The following NDST4 variants were observed in gnomAD, a reference collection of about 807,000 sequenced individuals.
NDST4 encodes N-deacetylase and N-sulfotransferase 4.
NDST4 carries 63 observed loss-of-function variants against 100.8 expected under a neutral mutation model. The observed-to-expected ratio is 0.62, with a 90% confidence interval of 0.51 to 0.77. The LOEUF (loss-of-function observed/expected upper bound fraction) is 0.77. Among genes scored for constraint, NDST4 ranks in the 30% least tolerant of loss-of-function variants. NDST4 has a pLI of 0.00. For missense variants in NDST4, 943 were observed against 1,018.4 expected, an observed-to-expected ratio of 0.93 and a Z score of 1.01; for synonymous variants, 377 against 361.8, an observed-to-expected ratio of 1.04 and a Z score of -0.48.
chr4:114,845,692 G>T, intron 10 of NDST4, 131 bp downstream of exon 10: 1 of 706,218 alleles, frequency 1.4e-6, no homozygotes, highest in Non-Finnish European at 2.2e-6. Flanking sequence ...CATATTTTTT[G>T]GTGGGGGTTG....
At chr4:115,070,687 G>A (rs1342429234) in intron 2 of NDST4, among the ~76,000 whole-genome samples, 4 of 151,978 alleles carry the variant, frequency 2.6e-5, no homozygotes, top group African/African-American at 9.7e-5. Context: ...AGCATTGGTT[G>A]GAGAAGAGAA....
chr4:114,919,841 G>A (rs1008387366), intron 6 of NDST4, among the ~76,000 whole-genome samples: 1 of 152,216 alleles, frequency 6.6e-6, no homozygotes, highest in African/African-American at 2.4e-5. Context: ...GGTTGCTGCA[G>A]AGATGGAGAG....
At chr4:114,986,832 A>ATATTTTTTTTTT in intron 2 of NDST4, among the ~76,000 whole-genome samples, 10 of 94,658 alleles carry the variant, frequency 1.1e-4, no homozygotes, top group Middle Eastern at 7.2e-3. Flanking sequence ...ATATATATAT[A>ATATTTTTTTTTT]TTTTAATATA....
intron 3 of NDST4, among the ~76,000 whole-genome samples, chr4:114,971,146 A>T (rs1259996042): frequency 6.6e-6 from 1 of 152,102 alleles, no homozygotes; most frequent in Non-Finnish European, 1.5e-5. Context: ...CTTATATTTT[A>T]AAAGTTTAGC....
chr4:114,838,808 T>TG (rs1723359599), intron 11 of NDST4, among the ~76,000 whole-genome samples: 1 of 145,286 alleles, frequency 6.9e-6, no homozygotes, highest in African/African-American at 2.8e-5. Flanking sequence ...CCAGAACTTT[T>TG]TTTTTTTTTT....
Position 115,076,494 on chromosome 4 carries a change from C to A in NDST4, c.543G>T (p.Pro181=). Residue 181 remains proline, a synonymous_variant, in exon 2 of 14, where the codon CCG becomes CCT. Coordinates refer to ENST00000264363, the MANE Select transcript of NDST4 (RefSeq NM_022569.3). ...GAGCTAGATTATTGAAAAGGTTTAA[C>A]GGAAAGCCTTTTAATTGTGTACTTG... ...SLPSTQLKGF[P]LNLFNNLALK... is the part of the protein sequence containing the mutation. 1 of 1,613,900 alleles carries A rather than the reference C, an allele frequency of 6.2e-7. No individual in the cohort carries two copies. The highest frequency in any genetic ancestry group is 1.1e-5 in the South Asian group (1 of 91,072).
At chr4:114,842,079 G>A (rs1183438796) in intron 10 of NDST4, among the ~76,000 whole-genome samples, 1 of 152,124 alleles carries the variant, frequency 6.6e-6, no homozygotes, top group East Asian at 1.9e-4. Context: ...TACACAAAAT[G>A]CACTCACATC....
At chr4:115,086,773 AT>A (rs1386604360) in intron 1 of NDST4, among the ~76,000 whole-genome samples, 1 of 152,082 alleles carries the variant, frequency 6.6e-6, no homozygotes, top group Non-Finnish European at 1.5e-5. Flanking sequence ...AAAGGACATG[AT>A]TTTTTAAAAA....
intron 6 of NDST4, among the ~76,000 whole-genome samples, chr4:114,934,334 G>A (rs774781748): frequency 2.6e-5 from 4 of 152,018 alleles, no homozygotes; most frequent in Non-Finnish European, 5.9e-5. Flanking sequence ...GGCAGATCAC[G>A]AGGTCAGGAG....
intron 6 of NDST4, among the ~76,000 whole-genome samples, chr4:114,895,600 A>G (rs1724696895): frequency 6.7e-6 from 1 of 150,236 alleles, no homozygotes; most frequent in African/African-American, 2.5e-5. Flanking sequence ...TGTTCTAAAC[A>G]ATTTAAAAGG....
intron 2 of NDST4, among the ~76,000 whole-genome samples, chr4:115,042,005 A>G (rs935622827): frequency 1.3e-5 from 2 of 152,124 alleles, no homozygotes; most frequent in Non-Finnish European, 2.9e-5. Flanking sequence ...ATAATGATTT[A>G]CTTATTAAGG....
In NDST4 at chr4:115,005,414, A is replaced by C. The variant is rs113096392; in HGVS notation, c.979-28140T>G. 2.8e-3 allele frequency among the ~76,000 whole-genome samples: 433 copies of C among 152,286 alleles called. 6 individuals are homozygous for C. The highest frequency in any genetic ancestry group is 9.9e-3 in the African/African-American group (411 of 41,578). On this transcript the variant is annotated intron_variant, in intron 2 of 13. Transcript: ENST00000264363. ...TCTTACCAGAGTTTTAAAGAGAAGG[A>C]GATAGTGAGCCATAGGCATATATGG... is the stretch of plus-strand genomic sequence containing the variant.
chr4:115,038,977 C>A (rs1382746422), intron 2 of NDST4, among the ~76,000 whole-genome samples: 2 of 147,910 alleles, frequency 1.4e-5, no homozygotes, highest in African/African-American at 2.7e-5. Flanking sequence ...GATACTACCT[C>A]AGAAAGAAAA....
chr4:115,071,791 A>G (rs1223507579), intron 2 of NDST4, among the ~76,000 whole-genome samples: 3 of 152,094 alleles, frequency 2.0e-5, no homozygotes, highest in Admixed American at 2.0e-4. Flanking sequence ...TTTTTGGCAC[A>G]TAATTGAAAT....
chr4:115,069,731 A>G (rs2126286990), intron 2 of NDST4, among the ~76,000 whole-genome samples: 1 of 152,224 alleles, frequency 6.6e-6, no homozygotes, highest in South Asian at 2.1e-4. Context: ...CCCCATCTCT[A>G]CTAAAGCTGG....
At chr4:114,950,341 A>G (rs1384741670) in intron 4 of NDST4, among the ~76,000 whole-genome samples, 1 of 152,088 alleles carries the variant, frequency 6.6e-6, no homozygotes, top group African/African-American at 2.4e-5. Flanking sequence ...TCATATTTCT[A>G]AGGGTATAGT....
At chr4:114,984,738 T>C (rs1360747135) in intron 2 of NDST4, among the ~76,000 whole-genome samples, 1 of 152,158 alleles carries the variant, frequency 6.6e-6, no homozygotes, top group Non-Finnish European at 1.5e-5. Flanking sequence ...CAGTCTAACC[T>C]TAGTAACCTT....
intron 1 of NDST4, among the ~76,000 whole-genome samples, chr4:115,105,162 T>G (rs1450400643): frequency 6.6e-6 from 1 of 152,138 alleles, no homozygotes; most frequent in Non-Finnish European, 1.5e-5. Context: ...CATCTTTAAT[T>G]CACATTTGTT....
At chr4:114,989,898 T>C (rs1171243534) in intron 2 of NDST4, among the ~76,000 whole-genome samples, 1 of 152,172 alleles carries the variant, frequency 6.6e-6, no homozygotes, top group African/African-American at 2.4e-5. Context: ...ATGAACACTG[T>C]TTGCAAAGTA....
Sources: allele counts gnomAD v4.1 joint callset (sites outside exome capture counted in the v4.1 genomes callset), GRCh38; gene constraint gnomAD v4.1.1; transcripts MANE v1.5; gene names NCBI Gene and HGNC (gene_info 2026-07-23, HGNC 2026-07-21).